Variants in CHL1 observed in about 807,000 individuals in gnomAD.
CHL1 encodes the protein neural cell adhesion molecule L1-like protein.
Under a neutral mutation model 141.9 loss-of-function variants are expected in CHL1, and 96 were observed. The ratio of observed to expected loss-of-function variants is 0.68; its 90% CI spans 0.57 to 0.80. The LOEUF is 0.80. CHL1 is among the 30% of genes least tolerant of loss of function. CHL1 has a pLI of 0.00. For synonymous variants in CHL1, 613 were observed against 502.2 expected (o/e 1.22, Z -2.95); for missense variants, 1,820 against 1,457.2 (o/e 1.25, Z -4.05).
chr3:325,484 A>T (rs1012280287), intron 3 of CHL1, among the ~76,000 whole-genome samples: 5 of 152,054 alleles, frequency 3.3e-5, no homozygotes, highest in African/African-American at 9.7e-5. Context: ...TCTAATGACC[A>T]GTAATAGAAT....
In CHL1 at chr3:382,242, C is replaced by T. The variant is rs201934893; in HGVS notation, c.1940C>T (p.Thr647Ile). ...SERQNRSVRL[T>I]WEAGADHNSN... Reference sequence around the variant, plus strand: ...AGACAGAACAGGAGTGTTCGGCTGACCTGGGAAGCTGGAGCTGACCACAAC... The same window carrying T: ...AGACAGAACAGGAGTGTTCGGCTGATCTGGGAAGCTGGAGCTGACCACAAC... The change falls in exon 17 of 28, where the codon ACC (threonine) becomes ATC (isoleucine). Residue 647 changes from threonine to isoleucine, a missense_variant. Coordinates refer to ENST00000256509, the MANE Select transcript of CHL1 (RefSeq NM_006614.4). 8.1e-6 allele frequency: 13 copies of T among 1,613,774 alleles called. No individual in the cohort carries two copies. The Admixed American group carries it at 1.3e-4, about 17-fold the overall frequency.
At chr3:266,951 G>T (rs116294504) in intron 2 of CHL1, among the ~76,000 whole-genome samples, 2,408 of 152,266 alleles carry the variant, frequency 0.016, 38 homozygotes, top group South Asian at 0.052. Context: ...TAGGAATCAA[G>T]TCTGCAGGAA....
At chr3:303,403 C>G (rs977833830) in intron 2 of CHL1, among the ~76,000 whole-genome samples, 1 of 151,920 alleles carries the variant, frequency 6.6e-6, no homozygotes, top group African/African-American at 2.4e-5. Flanking sequence ...TTTGTGTCTT[C>G]TCTTGTTTCC....
intron 27 of CHL1, 69 bp downstream of exon 27, chr3:401,767 G>T (rs1163210962): frequency 2.2e-6 from 2 of 903,174 alleles, no homozygotes; most frequent in African/African-American, 1.7e-5. Flanking sequence ...TGAACAAAAA[G>T]GTGTTTATTC....
intron 1 of CHL1, among the ~76,000 whole-genome samples, chr3:234,623 G>A (rs372756445): frequency 2.6e-5 from 4 of 152,052 alleles, no homozygotes; most frequent in South Asian, 2.1e-4. Flanking sequence ...GGTGAGGCAC[G>A]GATCTTGGAG....
At chr3:313,192 G>T (rs988022717) in intron 2 of CHL1, among the ~76,000 whole-genome samples, 2 of 152,076 alleles carry the variant, frequency 1.3e-5, no homozygotes, top group African/African-American at 2.4e-5. Context: ...TTTTAAAATG[G>T]TGACGATAAG....
intron 16 of CHL1, among the ~76,000 whole-genome samples, chr3:378,314 G>A (rs1249298620): frequency 6.6e-6 from 1 of 152,138 alleles, no homozygotes; most frequent in Non-Finnish European, 1.5e-5. Flanking sequence ...CTCGATAGGG[G>A]TCAAGAGGTG....
At chr3:348,103 T>C (rs913781244) in intron 9 of CHL1, among the ~76,000 whole-genome samples, 16 of 152,216 alleles carry the variant, frequency 1.1e-4, no homozygotes, top group Non-Finnish European at 2.4e-4. Flanking sequence ...ACAGGAAGCA[T>C]ATATTCTAAG....
At chr3:277,992 G>A (rs1244020278) in intron 2 of CHL1, among the ~76,000 whole-genome samples, 1 of 152,140 alleles carries the variant, frequency 6.6e-6, no homozygotes, top group Non-Finnish European at 1.5e-5. Context: ...ATTTTACTAG[G>A]CAGGAATGTG....
chr3:216,889 C>T (rs1185916769), intron 1 of CHL1, among the ~76,000 whole-genome samples: 3 of 152,164 alleles, frequency 2.0e-5, no homozygotes, highest in Admixed American at 6.5e-5. Flanking sequence ...TGCAGAAAAA[C>T]TCCAAATCAT....
At chr3:366,431 A>T (rs945885875) in intron 15 of CHL1, among the ~76,000 whole-genome samples, 2 of 151,182 alleles carry the variant, frequency 1.3e-5, no homozygotes, top group Non-Finnish European at 2.9e-5. Flanking sequence ...AGATCACACC[A>T]CTGTACTCCA....
chr3:288,757 A>C (rs547710748), intron 2 of CHL1, among the ~76,000 whole-genome samples: 28 of 152,328 alleles, frequency 1.8e-4, no homozygotes, highest in African/African-American at 6.7e-4. Context: ...ATTGTCTGTG[A>C]AGGGTTTTTA....
At chr3:317,106 T>G (rs1333378068) in intron 2 of CHL1, among the ~76,000 whole-genome samples, 2 of 152,050 alleles carry the variant, frequency 1.3e-5, no homozygotes, top group African/African-American at 4.8e-5. Context: ...TGTTGTAGCC[T>G]GTGAACATAC....
At chr3:269,462 T>A (rs1695444205) in intron 2 of CHL1, among the ~76,000 whole-genome samples, 1 of 152,194 alleles carries the variant, frequency 6.6e-6, no homozygotes, top group Non-Finnish European at 1.5e-5. Flanking sequence ...GTGGAGCACC[T>A]ACATTCTCGC....
At chr3:198,718 C>T (rs903332633) in intron 1 of CHL1, among the ~76,000 whole-genome samples, 1 of 152,196 alleles carries the variant, frequency 6.6e-6, no homozygotes, top group Non-Finnish European at 1.5e-5. Context: ...TTAGTTAATC[C>T]TCAGTTTAAT....
At chr3:246,471 G>T (rs918057190) in intron 2 of CHL1, 1 of 151,972 alleles carries the variant, frequency 6.6e-6, no homozygotes, top group Non-Finnish European at 1.5e-5. Context: ...TCAGCCATCA[G>T]GTTCCAGGAA....
chr3:218,791 C>G (rs1345868318), intron 1 of CHL1, among the ~76,000 whole-genome samples: 1 of 152,078 alleles, frequency 6.6e-6, no homozygotes, highest in African/African-American at 2.4e-5. Context: ...GAACACGTTT[C>G]ATGCAAATCA....
intron 27 of CHL1, among the ~76,000 whole-genome samples, chr3:402,328 G>C (rs1709211389): frequency 6.6e-6 from 1 of 152,206 alleles, no homozygotes; most frequent in Non-Finnish European, 1.5e-5. Flanking sequence ...TGTCGGGCAA[G>C]GGAGGAATGG....
At chr3:203,537 C>A (rs1014223613) in intron 1 of CHL1, among the ~76,000 whole-genome samples, 1 of 152,206 alleles carries the variant, frequency 6.6e-6, no homozygotes, top group South Asian at 2.1e-4. Context: ...GACGGGCCCA[C>A]ATCTCTTTGG....
Sources: allele counts gnomAD v4.1 joint callset (sites outside exome capture counted in the v4.1 genomes callset), GRCh38; gene constraint gnomAD v4.1.1; transcripts MANE v1.5; gene names NCBI Gene and HGNC (gene_info 2026-07-23, HGNC 2026-07-21).